The following ARFGAP1 variants were observed in gnomAD, a reference collection of about 807,000 sequenced individuals.
ARFGAP1 encodes ADP-ribosylation factor GTPase-activating protein 1.
A neutral mutation model predicts 54.0 loss-of-function variants in ARFGAP1; 26 were observed. That is an observed-to-expected ratio of 0.48 (90% CI 0.35 to 0.67). The LOEUF (loss-of-function observed/expected upper bound fraction) is 0.67. Ranked by LOEUF, ARFGAP1 falls within the 30% of genes least tolerant of loss-of-function variation. The probability of loss-of-function intolerance (pLI) is 0.00; values close to 1 mark genes in which losing one functional copy is unlikely to be tolerated. For synonymous variants in ARFGAP1, 248 were observed against 211.9 expected, an observed-to-expected ratio of 1.17 and a Z score of -1.48; for missense variants, 525 against 535.8, an observed-to-expected ratio of 0.98 and a Z score of 0.20.
At chr20:63,278,079 C>A in intron 5 of ARFGAP1, 38 bp from the exon 6 acceptor site, 1 of 1,600,730 alleles carries the variant, frequency 6.2e-7, no homozygotes, top group Non-Finnish European at 8.6e-7. Flanking sequence ...AGACTTCACC[C>A]AGTTTTGGCC....
intron 5 of ARFGAP1, among the ~76,000 whole-genome samples, chr20:63,277,812 A>C (rs1297744952): frequency 6.6e-6 from 1 of 151,626 alleles, no homozygotes; most frequent in East Asian, 1.9e-4. Context: ...ACTGCGGGCA[A>C]CTCCGGCTTG....
In ARFGAP1 at chr20:63,277,268, C is replaced by T; in HGVS notation, c.406C>T (p.Pro136Ser). 6.2e-7 allele frequency: 1 copy of T among 1,613,110 alleles called. No individual in the cohort carries two copies. The highest frequency in any genetic ancestry group is 1.1e-5 in the South Asian group (1 of 91,078). The part of the protein sequence containing the change: ...LESSPAQNWT[P>S]PQPRTLPSMV... ...GTCATCACCTGCCCAGAACTGGACC[C>T]CACCTCAGCCCAGGACGCTGCCGTC... Residue 136 changes from proline (P) to serine (S), a missense_variant, in exon 5 of 13, where the codon CCA becomes TCA. Around this residue, in one of 3 missense-constraint regions of ARFGAP1, gnomAD observed 466 missense variants for 453.6 expected, o/e 1.03. Transcript: ENST00000370283.
At chr20:63,279,806 G>C (rs73921029) in intron 7 of ARFGAP1, among the ~76,000 whole-genome samples, 4,522 of 152,218 alleles carry the variant, frequency 0.03, 207 homozygotes, top group African/African-American at 0.1. Context: ...AATACATTTT[G>C]TTCCACTTTC....
chr20:63,283,439 A>G (rs780671620), intron 9 of ARFGAP1: 4 of 214,992 alleles, frequency 1.9e-5, no homozygotes, highest in East Asian at 1.1e-4. Context: ...GAGGCTCACC[A>G]TGAAAGCTCA....
rs1250435421 is a variant in ARFGAP1 at position 63,288,293 on chromosome 20, C to T, written c.*420C>T. ...TGTCCCTTCTCGTTGAGATATTTAA[C>T]TTTGGTTTTGCTCTAGTTCTTTCTT... is the stretch of plus-strand genomic sequence containing the variant. On this transcript the variant is annotated 3_prime_UTR_variant, in exon 13 of 13. Coordinates refer to ENST00000370283, the MANE Select transcript of ARFGAP1 (RefSeq NM_018209.4). 3 of 478,008 alleles carry T rather than the reference C, an allele frequency of 6.3e-6. No individual in the cohort carries two copies. The highest frequency in any genetic ancestry group is 1.2e-5 in the Non-Finnish European group (3 of 241,810). 29.6% of individuals were successfully genotyped at this position (478,008 alleles called of 1,614,324 possible).
intron 8 of ARFGAP1, among the ~76,000 whole-genome samples, chr20:63,282,003 A>G (rs953737074): frequency 6.6e-6 from 1 of 152,140 alleles, no homozygotes; most frequent in South Asian, 2.1e-4. Context: ...CACCTGTCAG[A>G]TGTCCCCGTG....
chr20:63,280,413 C>T (rs559296671), intron 7 of ARFGAP1, among the ~76,000 whole-genome samples: 8 of 152,344 alleles, frequency 5.3e-5, no homozygotes, highest in African/African-American at 1.7e-4. Context: ...GTTGCTTAGC[C>T]TCCCAGAGTT....
chr20:63,284,173 A>T, intron 9 of ARFGAP1: 1 of 1,305,974 alleles, frequency 7.7e-7, no homozygotes, highest in Non-Finnish European at 9.7e-7. Context: ...GCTGCCGGGG[A>T]GGTGCTGGAG....
rs532994799 is a variant in ARFGAP1, at chr20:63,276,379, G to A, written c.171-101G>A. 1.9e-5 allele frequency: 28 copies of A among 1,484,516 alleles called. No individual in the cohort carries two copies. The highest frequency in any genetic ancestry group is 2.8e-5 in the African/African-American group (2 of 72,112). 92.0% of individuals were successfully genotyped at this position (1,484,516 alleles called of 1,614,324 possible). A position where few individuals can be genotyped will look rare whatever the true frequency, so the allele number is the denominator to read the frequency against. The stretch of plus-strand genomic sequence containing the variant: ...GCTGCTGGCCACTCAGCCTCCCTGC[G>A]GCTGCTGCTTGCTGTGTCTAATTCT... On this transcript the variant is annotated intron_variant, in intron 3 of 12. Transcript: ENST00000370283. The surrounding 1 kb of genome is among the most constrained non-coding windows in gnomAD (Gnocchi z 5.2).
intron 1 of ARFGAP1, chr20:63,273,351 C>G (rs889063303): frequency 6.6e-6 from 1 of 152,388 alleles, no homozygotes; most frequent in Admixed American, 6.5e-5. Flanking sequence ...CAGGACTCGG[C>G]CTGGACACAT....
At chr20:63,286,852 G>T (rs2067568225) in intron 12 of ARFGAP1, 1 of 206,724 alleles carries the variant, frequency 4.8e-6, no homozygotes, top group Non-Finnish European at 9.9e-6. Context: ...GGTGGATGGA[G>T]CAGGTCGGGG....
In ARFGAP1 at chr20:63,287,933, C is replaced by G. The variant is rs942580005; in HGVS notation, c.*60C>G. 1 of 1,435,292 alleles carries G rather than the reference C, an allele frequency of 7.0e-7. No individual in the cohort carries two copies. The highest frequency in any genetic ancestry group is 9.2e-7 in the Non-Finnish European group (1 of 1,089,450). 88.9% of individuals were successfully genotyped at this position (1,435,292 alleles called of 1,614,324 possible). A position where few individuals can be genotyped will look rare whatever the true frequency, so the allele number is the denominator to read the frequency against. ...CGACTTCGTGTTTGCACTCTGCCCT[C>G]GTCGTTCCTCCTCCTTCCATTTGAC... On this transcript the variant is annotated 3_prime_UTR_variant, in exon 13 of 13. Coordinates refer to ENST00000370283, the MANE Select transcript of ARFGAP1 (RefSeq NM_018209.4).
At chr20:63,283,557 A>G in intron 9 of ARFGAP1, 1 of 450,278 alleles carries the variant, frequency 2.2e-6, no homozygotes, top group Non-Finnish European at 3.9e-6. Flanking sequence ...GGCCCATATC[A>G]CCCCTTCCTC....
Position 63,282,836 on chromosome 20 carries a change from C to G in ARFGAP1, c.702C>G (p.Ser234=). The G allele has an allele frequency of 6.2e-7, 1 of 1,614,060 alleles. No individual in the cohort carries two copies. The highest frequency in any genetic ancestry group is 8.5e-7 in the Non-Finnish European group (1 of 1,180,014). ...CATTTTAGGCTACAAAGTTTGGATC[C>G]CAAGCGAGTCAGAAGGTAACAGAGG... ...AAKEGATKFG[S]QASQKASELG... Residue 234 remains serine, a synonymous_variant, in exon 9 of 13, where the codon TCC becomes TCG. Coordinates refer to ENST00000370283, the MANE Select transcript of ARFGAP1 (RefSeq NM_018209.4).
Position 63,284,630 on chromosome 20 carries a change from G to C in ARFGAP1, c.718-236G>C. ...GGCGCGTGAGGGAGGACCCTGGAGG[G>C]GGACCTTCCTGCAAGAATTGGTGGG... On this transcript the variant is annotated intron_variant, in intron 9 of 12. Transcript: ENST00000370283. 7 of 1,382,442 alleles carry C rather than the reference G, an allele frequency of 5.1e-6. No individual in the cohort carries two copies. In the South Asian group the frequency reaches 8.9e-5, roughly 18 times the overall value. 85.6% of individuals were successfully genotyped at this position (1,382,442 alleles called of 1,614,324 possible).
intron 11 of ARFGAP1, 80 bp downstream of exon 11, chr20:63,285,793 G>T: frequency 6.4e-7 from 1 of 1,559,628 alleles, no homozygotes; most frequent in Non-Finnish European, 8.8e-7. Flanking sequence ...AGCAGGGTGT[G>T]CCCCGTGCAG....
At chr20:63,282,428 A>T (rs758327763) in intron 8 of ARFGAP1, among the ~76,000 whole-genome samples, 15 of 152,228 alleles carry the variant, frequency 9.9e-5, no homozygotes, top group Non-Finnish European at 1.8e-4. Context: ...AGCAGGGTAG[A>T]TGGGGCTGGG....
chr20:63,284,966 C>T (rs2123301150), intron 10 of ARFGAP1, 44 bp downstream of exon 10: 1 of 1,607,336 alleles, frequency 6.2e-7, no homozygotes, highest in Non-Finnish European at 8.5e-7. Flanking sequence ...CCCTTCACTC[C>T]AGGGGACGTG....
In ARFGAP1 at chr20:63,278,421, T is replaced by TGG. The variant is rs3215650; in HGVS notation, c.530+223_530+224dup. On this transcript the variant is annotated intron_variant, in intron 6 of 12. Transcript: ENST00000370283. ...AGCCCCAGCCAGCCCAGGTGTGAAT[T>TGG]GGGGGGTCTTAGATGTATTGCAGTG... 9.6e-5 allele frequency: 50 copies of TGG among 518,228 alleles called. 1 individual carries two copies. Among genetic ancestry groups the TGG allele is most frequent in the South Asian group, 4.8e-4 (24 of 49,626 alleles). The allele number at this position is 518,228 out of a possible 1,614,324, so 32.1% of individuals were successfully genotyped here.
Sources: gnomAD v4.1 joint callset for allele counts (sites outside exome capture counted in the v4.1 genomes callset) on GRCh38, gnomAD v4.1.1 for gene constraint, gnomAD v4.1.1 regional missense constraint, Gnocchi (gnomAD v3.1) non-coding constraint, MANE v1.5 for transcripts, NCBI Gene and HGNC (gene_info 2026-07-23, HGNC 2026-07-21) for gene names.